Variants in ITPRIP observed in about 807,000 individuals in gnomAD.
ITPRIP encodes the protein inositol 1,4,5-trisphosphate receptor interacting protein.
Under a neutral mutation model 35.8 loss-of-function variants are expected in ITPRIP, and 32 were observed. That is an observed-to-expected ratio of 0.89 (90% confidence interval 0.68 to 1.20). The LOEUF (loss-of-function observed/expected upper bound fraction) is 1.20. Ranked by LOEUF, ITPRIP falls within the 50% of genes most tolerant of loss-of-function variation. ITPRIP has a pLI of 0.00. For synonymous variants in ITPRIP, 358 were observed against 324.0 expected (o/e 1.11, Z -1.13); for missense variants, 653 against 735.6 (o/e 0.89, Z 1.30).
rs568938791 is a variant in ITPRIP at position 104,318,288 on chromosome 10, G to A, written c.-13-2224C>T. Among the ~76,000 whole-genome samples, 6 of 152,298 alleles carry A rather than the reference G, an allele frequency of 3.9e-5. No individual in the cohort carries two copies. The South Asian group carries it at 1.2e-3, about 32-fold the overall frequency. On this transcript the variant is annotated intron_variant, in intron 1 of 1. Coordinates refer to ENST00000337478, the MANE Select transcript of ITPRIP (RefSeq NM_001272013.2). ...ACTGCGAGGCTGGGTGATTAACATGGGTGAGAAAGTTAACATAAAGGTGGA... is the reference window on the plus strand; with the variant it reads ...ACTGCGAGGCTGGGTGATTAACATGAGTGAGAAAGTTAACATAAAGGTGGA...
chr10:104,316,154 G>T, intron 1 of ITPRIP, 90 bp from the exon 2 acceptor site: 1 of 1,162,882 alleles, frequency 8.6e-7, no homozygotes, highest in Non-Finnish European at 1.2e-6. Context: ...CCTCAGGGCT[G>T]GTTAAGGTCT....
rs780957842 is a variant in ITPRIP at position 104,315,037 on chromosome 10, G to A, written c.1015C>T (p.Arg339Cys). Residue 339 changes from arginine (R) to cysteine (C), a missense_variant, in exon 2 of 2, where the codon CGT becomes TGT. Physicochemically the swap from Arg to Cys is radical, Grantham distance 180. Transcript: ENST00000337478. This position sits in a 1 kb window ranked among gnomAD's most constrained non-coding sequence, Gnocchi z 5.7. Reference sequence around the variant, plus strand: ...TTGAAGGGCATGAACTTCCCTGAACGGAACTTGATCTTCAGGGACCCCGGG... The same window carrying A: ...TTGAAGGGCATGAACTTCCCTGAACAGAACTTGATCTTCAGGGACCCCGGG... ...DSPGSLKIKF[R>C]SGKFMPFNLI... The A allele has an allele frequency of 1.1e-5, 17 of 1,614,016 alleles. No homozygotes were observed. In the South Asian group the frequency reaches 1.1e-4, roughly 10 times the overall value.
intron 1 of ITPRIP, among the ~76,000 whole-genome samples, chr10:104,330,567 G>T (rs1379137818): frequency 6.6e-6 from 1 of 152,180 alleles, no homozygotes; most frequent in Non-Finnish European, 1.5e-5. Context: ...CAAGCTTCTT[G>T]TAGAAATAAA....
intron 1 of ITPRIP, among the ~76,000 whole-genome samples, chr10:104,324,853 A>T (rs766078550): frequency 3.5e-4 from 54 of 152,304 alleles, no homozygotes; most frequent in Middle Eastern, 6.8e-3. Context: ...AAGAAAAGCC[A>T]CTAATCTGGA....
intron 1 of ITPRIP, among the ~76,000 whole-genome samples, chr10:104,331,863 C>T (rs1377467894): frequency 6.6e-6 from 1 of 152,170 alleles, no homozygotes; most frequent in Admixed American, 6.5e-5. Context: ...CTGCTAATAT[C>T]AGAGTGAGAC....
At position 104,314,203 on chromosome 10, in the gene ITPRIP, C is replaced by G; in HGVS notation, c.*205G>C. Reference sequence around the variant, plus strand: ...TAAACCCAAATAACAGCTTTACCAGCAGATCCCAATGGTATGAAGCAAACC... The same window carrying G: ...TAAACCCAAATAACAGCTTTACCAGGAGATCCCAATGGTATGAAGCAAACC... On this transcript the variant is annotated 3_prime_UTR_variant, in exon 2 of 2. Transcript: ENST00000337478. The G allele has an allele frequency of 1.5e-6, 2 of 1,377,686 alleles. No homozygotes were observed. The highest frequency in any genetic ancestry group is 1.9e-6 in the Non-Finnish European group (2 of 1,068,694). The allele number at this position is 1,377,686 out of a possible 1,614,324, so 85.3% of individuals were successfully genotyped here.
At chr10:104,320,125 C>T (rs1471849775) in intron 1 of ITPRIP, among the ~76,000 whole-genome samples, 1 of 151,088 alleles carries the variant, frequency 6.6e-6, no homozygotes, top group African/African-American at 2.5e-5. Flanking sequence ...CCTTCCCTTT[C>T]CAGGTCTCTC....
chr10:104,312,295 A>AT lies in ITPRIP; in HGVS notation c.*2112dup, dbSNP rs199897876. ...CTGTACACACAAGAAGCCAGAAGAT[A>AT]TTTTTTTTTCAGTGAACTTTCTCCT... On this transcript the variant is annotated 3_prime_UTR_variant, in exon 2 of 2. Transcript: ENST00000337478. 760 of 151,966 alleles carry AT rather than the reference A, an allele frequency of 5.0e-3. 13 individuals carry two copies. Among genetic ancestry groups the AT allele is most frequent in the Admixed American group, 0.036 (547 of 15,232 alleles). The allele number at this position is 151,966 out of a possible 1,614,324, so 9.4% of individuals were successfully genotyped here. A position where few individuals can be genotyped will look rare whatever the true frequency, so the allele number is the denominator to read the frequency against.
In ITPRIP at chr10:104,333,766, C is replaced by T. The variant is rs1243454125; in HGVS notation, c.-14+4480G>A. ...CACTGAGGATAGATGTCCTCCCCGT[C>T]TAGGACAGTCTAGGTCCCTACAGCC... On this transcript the variant is annotated intron_variant, in intron 1 of 1. Coordinates refer to ENST00000337478, the MANE Select transcript of ITPRIP (RefSeq NM_001272013.2). This position sits in a 1 kb window ranked among gnomAD's most constrained non-coding sequence, Gnocchi z 4.1. 1 of 152,294 alleles carries T rather than the reference C, an allele frequency of 6.6e-6. No individual in the cohort carries two copies. Among genetic ancestry groups the T allele is most frequent in the Non-Finnish European group, 1.5e-5 (1 of 68,080 alleles). 9.4% of individuals were successfully genotyped at this position (152,294 alleles called of 1,614,324 possible).
rs2014017718 is a variant in ITPRIP at position 104,326,520 on chromosome 10, A to G, written c.-13-10456T>C. The G allele has an allele frequency of 6.6e-6, 1 of 152,290 alleles. No homozygotes were observed. The highest frequency in any genetic ancestry group is 6.5e-5 in the Admixed American group (1 of 15,280). The allele number at this position is 152,290 out of a possible 1,614,324, so 9.4% of individuals were successfully genotyped here. A position where few individuals can be genotyped will look rare whatever the true frequency, so the allele number is the denominator to read the frequency against. On this transcript the variant is annotated intron_variant, in intron 1 of 1. Transcript: ENST00000337478. This position sits in a 1 kb window ranked among gnomAD's most constrained non-coding sequence, Gnocchi z 4.8. ...ACAGTGAGAAGAGACTACAAGGAGT[A>G]AAACAGTAGCAGAGACAAGGAGGGG...
At position 104,312,582 on chromosome 10, in the gene ITPRIP, C is replaced by T. The variant is rs947587985; in HGVS notation, c.*1826G>A. On this transcript the variant is annotated 3_prime_UTR_variant, in exon 2 of 2. Coordinates refer to ENST00000337478, the MANE Select transcript of ITPRIP (RefSeq NM_001272013.2). ...AGCTGGTTCATTCCCTGGAGTGCCCCGCAACTGCGTCTAGGGAGAGGCAGG... is the reference window on the plus strand; with the variant it reads ...AGCTGGTTCATTCCCTGGAGTGCCCTGCAACTGCGTCTAGGGAGAGGCAGG... The T allele has an allele frequency of 1.2e-5, 12 of 983,572 alleles. No homozygotes were observed. Among genetic ancestry groups the T allele is most frequent in the Admixed American group, 6.1e-5 (1 of 16,264 alleles). 60.9% of individuals were successfully genotyped at this position (983,572 alleles called of 1,614,324 possible).
In ITPRIP at chr10:104,313,322, C is replaced by T. The variant is rs1359695984; in HGVS notation, c.*1086G>A. The T allele has an allele frequency of 1.0e-5, 10 of 986,136 alleles. No homozygotes were observed. Among genetic ancestry groups the T allele is most frequent in the Non-Finnish European group, 1.2e-5 (10 of 830,502 alleles). 61.1% of individuals were successfully genotyped at this position (986,136 alleles called of 1,614,324 possible). The stretch of plus-strand genomic sequence containing the variant: ...CACCCCGGGTAGCATTTTTGAGCAC[C>T]TCATCGAAGGAGTCTACTGTCTTAC... On this transcript the variant is annotated 3_prime_UTR_variant, in exon 2 of 2. Transcript: ENST00000337478.
At position 104,331,612 on chromosome 10, in the gene ITPRIP, G is replaced by C. The variant is rs543801482; in HGVS notation, c.-14+6634C>G. Among the ~76,000 whole-genome samples, 4 of 152,328 alleles carry C rather than the reference G, an allele frequency of 2.6e-5. No individual in the cohort carries two copies. In the South Asian group the frequency reaches 8.3e-4, roughly 32 times the overall value. On this transcript the variant is annotated intron_variant, in intron 1 of 1. Transcript: ENST00000337478. ...CTTCCCAGGCAGTGAGTGTCCCACT[G>C]TGTTATGCACCTGGAAGTGAGTCAT...
chr10:104,315,476 G>T lies in ITPRIP; in HGVS notation c.576C>A (p.Gly192=), dbSNP rs766283111. The T allele has an allele frequency of 6.2e-7, 1 of 1,613,928 alleles. No individual in the cohort carries two copies. The highest frequency in any genetic ancestry group is 1.1e-5 in the South Asian group (1 of 91,068). The change falls in exon 2 of 2, where the codon GGC becomes GGA. Residue 192 remains glycine, a synonymous_variant. Transcript: ENST00000337478. The surrounding 1 kb of genome is among the most constrained non-coding windows in gnomAD (Gnocchi z 5.7). ...DTDMEVEDFI[G]VDSMYENWQV... is the part of the protein sequence containing the mutation. ...GCCAGTTCTCGTACATGCTGTCCAC[G>T]CCAATGAAGTCCTCCACCTCCATGT...
At chr10:104,316,187 G>A in intron 1 of ITPRIP, 123 bp from the exon 2 acceptor site, 5 of 813,960 alleles carry the variant, frequency 6.1e-6, no homozygotes, top group East Asian at 2.8e-5. Context: ...CCAACCCATC[G>A]AGAGCTCCCT....
rs1381230040 is a variant in ITPRIP, at chr10:104,315,604, T to G, written c.448A>C (p.Ile150Leu). The G allele has an allele frequency of 6.2e-7, 1 of 1,613,396 alleles. No individual in the cohort carries two copies. The highest frequency in any genetic ancestry group is 2.2e-5 in the East Asian group (1 of 44,862). The change falls in exon 2 of 2, where the codon ATC becomes CTC. Residue 150 changes from isoleucine to leucine, a missense_variant. Ile to Leu is a conservative substitution (Grantham distance 5). Transcript: ENST00000337478. This position sits in a 1 kb window ranked among gnomAD's most constrained non-coding sequence, Gnocchi z 5.7. ...ATLGHFYERC[I>L]RGATADAART... ...GCTGCATCGGCCGTGGCCCCCCGGATGCAGCGCTCATAAAAGTGGCCAAGC... is the reference window on the plus strand; with the variant it reads ...GCTGCATCGGCCGTGGCCCCCCGGAGGCAGCGCTCATAAAAGTGGCCAAGC...
Position 104,310,805 on chromosome 10 carries a change from C to T in ITPRIP, c.*3603G>A, listed in dbSNP as rs1338335790. 2 of 152,190 alleles carry T rather than the reference C, an allele frequency of 1.3e-5. No individual in the cohort carries two copies. Among genetic ancestry groups the T allele is most frequent in the African/African-American group, 4.8e-5 (2 of 41,446 alleles). 9.4% of individuals were successfully genotyped at this position (152,190 alleles called of 1,614,324 possible). A position where few individuals can be genotyped will look rare whatever the true frequency, so the allele number is the denominator to read the frequency against. ...ATCTGGCAGCGCCCCACCATGAGGC[C>T]TTCCCTAATCAGCCCAGGTACCAGT... is the stretch of plus-strand genomic sequence containing the variant. On this transcript the variant is annotated 3_prime_UTR_variant, in exon 2 of 2. Coordinates refer to ENST00000337478, the MANE Select transcript of ITPRIP (RefSeq NM_001272013.2).
At chr10:104,338,010 A>T (rs1238174152) in intron 1 of ITPRIP, among the ~76,000 whole-genome samples, 1 of 152,102 alleles carries the variant, frequency 6.6e-6, no homozygotes, top group African/African-American at 2.4e-5. Flanking sequence ...GCATCCCCCG[A>T]CGCGGCGGGA....
intron 1 of ITPRIP, among the ~76,000 whole-genome samples, chr10:104,321,396 G>A (rs1023710376): frequency 6.6e-6 from 1 of 152,220 alleles, no homozygotes; most frequent in African/African-American, 2.4e-5. Flanking sequence ...GGGGCTGAGG[G>A]AAGATGGAAG....
Sources: gnomAD v4.1 joint callset for allele counts (sites outside exome capture counted in the v4.1 genomes callset) on GRCh38, gnomAD v4.1.1 for gene constraint, Gnocchi (gnomAD v3.1) non-coding constraint, MANE v1.5 for transcripts, NCBI Gene and HGNC (gene_info 2026-07-23, HGNC 2026-07-21) for gene names.